Variants in CTBP2 observed in about 807,000 individuals in gnomAD.
The protein encoded by CTBP2 is C-terminal-binding protein 2.
In CTBP2, 30 loss-of-function variants were observed where a neutral mutation model predicts 80.3. That is an observed-to-expected ratio of 0.37 (90% CI 0.28 to 0.51). The LOEUF is 0.51. CTBP2 is among the 20% of genes least tolerant of loss of function. The probability of loss-of-function intolerance (pLI) is 0.93; values close to 1 mark genes in which losing one functional copy is unlikely to be tolerated. For missense variants in CTBP2, 1,212 were observed against 1,375.3 expected (o/e 0.88, Z 1.88); for synonymous variants, 594 against 587.4 (o/e 1.01, Z -0.16).
At chr10:125,107,064 G>A (rs1408843021) in intron 2 of CTBP2, among the ~76,000 whole-genome samples, 2 of 152,216 alleles carry the variant, frequency 1.3e-5, no homozygotes, top group Non-Finnish European at 2.9e-5. Flanking sequence ...GGGGTGGAGG[G>A]AGGCTGGGAT....
intron 2 of CTBP2, among the ~76,000 whole-genome samples, chr10:125,110,239 G>A (rs1309102209): frequency 6.6e-6 from 1 of 152,208 alleles, no homozygotes; most frequent in Non-Finnish European, 1.5e-5. Flanking sequence ...TTACCTCACG[G>A]GGAAAACATT....
rs534968121 is a variant in CTBP2 at position 124,986,955 on chromosome 10, T to C, written c.*2563A>G. 1 of 151,492 alleles carries C rather than the reference T, an allele frequency of 6.6e-6. No homozygotes were observed. The highest frequency in any genetic ancestry group is 1.5e-5 in the Non-Finnish European group (1 of 67,576). The allele number at this position is 151,492 out of a possible 1,614,324, so 9.4% of individuals were successfully genotyped here. A position where few individuals can be genotyped will look rare whatever the true frequency, so the allele number is the denominator to read the frequency against. ...GTGGTCTGGTGAGTGTTGTTTCCCCTGAGCGCTCTATTATTTATTTATTTA... is the reference window on the plus strand; with the variant it reads ...GTGGTCTGGTGAGTGTTGTTTCCCCCGAGCGCTCTATTATTTATTTATTTA... On this transcript the variant is annotated 3_prime_UTR_variant, in exon 9 of 9. Coordinates refer to ENST00000309035, the MANE Select transcript of CTBP2 (RefSeq NM_022802.3).
intron 1 of CTBP2, among the ~76,000 whole-genome samples, chr10:125,130,099 G>T (rs1046545602): frequency 9.3e-5 from 14 of 150,968 alleles, no homozygotes; most frequent in African/African-American, 3.2e-4. Context: ...CCAGGCTGGA[G>T]TGTAATAGCA....
At chr10:125,086,957 T>A (rs947893846) in intron 2 of CTBP2, among the ~76,000 whole-genome samples, 6 of 152,040 alleles carry the variant, frequency 3.9e-5, no homozygotes, top group Non-Finnish European at 7.4e-5. Flanking sequence ...GACACACACG[T>A]GCGCCCACAC....
chr10:125,036,456 C>T (rs1207466864), intron 3 of CTBP2, among the ~76,000 whole-genome samples: 3 of 151,514 alleles, frequency 2.0e-5, no homozygotes, highest in South Asian at 2.1e-4. Context: ...GGGAGCAGAC[C>T]GGGTAAGCAC....
intron 3 of CTBP2, among the ~76,000 whole-genome samples, chr10:125,002,113 G>A (rs1210856759): frequency 6.6e-6 from 1 of 152,186 alleles, no homozygotes; most frequent in African/African-American, 2.4e-5. Context: ...CTGCTGCCTT[G>A]GAATTCATGG....
chr10:125,001,531 CG>C (rs1258804765), intron 3 of CTBP2: 1 of 152,078 alleles, frequency 6.6e-6, no homozygotes, highest in East Asian at 1.9e-4. Flanking sequence ...CAGAGGGGCT[CG>C]GAAGGACGCC....
At chr10:125,024,620 ACCAAAC>A (rs1484206764) in intron 1 of CTBP2, among the ~76,000 whole-genome samples, 1 of 152,226 alleles carries the variant, frequency 6.6e-6, no homozygotes, top group African/African-American at 2.4e-5. Context: ...TGTGATTATG[ACCAAAC>A]CCTCCTGTCA....
intron 1 of CTBP2, among the ~76,000 whole-genome samples, chr10:125,121,751 G>C (rs1228369160): frequency 6.6e-6 from 1 of 152,174 alleles, no homozygotes; most frequent in Non-Finnish European, 1.5e-5. Flanking sequence ...AAAAAGGCCT[G>C]CGTCCCCCAG....
At chr10:125,153,076 C>G (rs1439472169) in intron 1 of CTBP2, among the ~76,000 whole-genome samples, 1 of 152,210 alleles carries the variant, frequency 6.6e-6, no homozygotes, top group Non-Finnish European at 1.5e-5. Flanking sequence ...CAGGAGCCCA[C>G]GCAGCCCATC....
chr10:125,108,422 T>A (rs2135900092), intron 2 of CTBP2, among the ~76,000 whole-genome samples: 1 of 152,366 alleles, frequency 6.6e-6, no homozygotes, highest in South Asian at 2.1e-4. Flanking sequence ...TTCATCTACC[T>A]CCTTCTTCTG....
intron 1 of CTBP2, among the ~76,000 whole-genome samples, chr10:125,112,797 T>C (rs117364178): frequency 0.033 from 4,963 of 152,332 alleles, 112 homozygotes; most frequent in Middle Eastern, 0.092. Flanking sequence ...CCTCTTTTAA[T>C]GGGGCTTTTA....
At chr10:125,086,971 C>T (rs1036320958) in intron 2 of CTBP2, among the ~76,000 whole-genome samples, 3 of 152,086 alleles carry the variant, frequency 2.0e-5, no homozygotes, top group Admixed American at 1.3e-4. Flanking sequence ...CCCACACACA[C>T]GATCTCTGAA....
At chr10:125,016,475 G>A (rs527513720) in intron 1 of CTBP2, among the ~76,000 whole-genome samples, 13 of 152,364 alleles carry the variant, frequency 8.5e-5, no homozygotes, top group Admixed American at 3.3e-4. Flanking sequence ...CTGTAGCCTG[G>A]CAGACCCAGT....
At chr10:125,034,472 T>A (rs897573451) in intron 3 of CTBP2, among the ~76,000 whole-genome samples, 30 of 152,368 alleles carry the variant, frequency 2.0e-4, no homozygotes, top group African/African-American at 7.0e-4. Flanking sequence ...ATTGTATATT[T>A]ACATAGCTAA....
rs1243892756 is a variant in CTBP2, at chr10:124,988,780, T to C, written c.*738A>G. ...GACATAAGGAAATGCAACATTATTCTTCTTGAACCCTTTTAGCTCAAGACT... is the reference window on the plus strand; with the variant it reads ...GACATAAGGAAATGCAACATTATTCCTCTTGAACCCTTTTAGCTCAAGACT... On this transcript the variant is annotated 3_prime_UTR_variant, in exon 9 of 9. Coordinates refer to ENST00000309035, the MANE Select transcript of CTBP2 (RefSeq NM_022802.3). 3 of 152,692 alleles carry C rather than the reference T, an allele frequency of 2.0e-5. No individual in the cohort carries two copies. The highest frequency in any genetic ancestry group is 4.4e-5 in the Non-Finnish European group (3 of 68,052). The allele number at this position is 152,692 out of a possible 1,614,324, so 9.5% of individuals were successfully genotyped here. A position where few individuals can be genotyped will look rare whatever the true frequency, so the allele number is the denominator to read the frequency against.
In CTBP2 at chr10:124,986,559, G is replaced by GA. The variant is rs1952049297; in HGVS notation, c.*2958dup. 1 of 152,088 alleles carries GA rather than the reference G, an allele frequency of 6.6e-6. No individual in the cohort carries two copies. Among genetic ancestry groups the GA allele is most frequent in the African/African-American group, 2.4e-5 (1 of 41,400 alleles). The allele number at this position is 152,088 out of a possible 1,614,324, so 9.4% of individuals were successfully genotyped here. A position where few individuals can be genotyped will look rare whatever the true frequency, so the allele number is the denominator to read the frequency against. On this transcript the variant is annotated 3_prime_UTR_variant, in exon 9 of 9. Transcript: ENST00000309035. ...TTTTGCTGCATGCTAAATCTTGCAG[G>GA]AAAAATGATTTTTTAGTACGATTCT...
At chr10:125,109,038 T>C (rs1439000434) in intron 2 of CTBP2, among the ~76,000 whole-genome samples, 1 of 152,256 alleles carries the variant, frequency 6.6e-6, no homozygotes, top group African/African-American at 2.4e-5. Flanking sequence ...CTCATCTGTC[T>C]GAGAGGGAGA....
intron 1 of CTBP2, chr10:125,138,246 C>T (rs969967493): frequency 4.6e-5 from 7 of 152,046 alleles, no homozygotes; most frequent in African/African-American, 1.7e-4. Flanking sequence ...GCCGGAGCTT[C>T]TGGTCAAGTG....
Sources: gnomAD v4.1 joint callset for allele counts (sites outside exome capture counted in the v4.1 genomes callset) on GRCh38, gnomAD v4.1.1 for gene constraint, MANE v1.5 for transcripts, NCBI Gene and HGNC (gene_info 2026-07-23, HGNC 2026-07-21) for gene names.